Variants in ADARB2 observed in about 807,000 individuals in gnomAD.
ADARB2 encodes the protein inactive double-stranded RNA-specific editase B2.
Under a neutral mutation model 62.2 loss-of-function variants are expected in ADARB2, and 25 were observed. The observed-to-expected ratio is 0.40, with a 90% CI of 0.29 to 0.56. The LOEUF (loss-of-function observed/expected upper bound fraction) is 0.56, where lower values mean the gene tolerates loss of function less well. ADARB2 is among the 20% of genes least tolerant of loss of function. ADARB2 has a pLI of 0.43. For synonymous variants in ADARB2, 572 were observed against 500.8 expected, an observed-to-expected ratio of 1.14 and a Z score of -1.90; for missense variants, 1,071 against 1,077.4, an observed-to-expected ratio of 0.99 and a Z score of 0.08.
chr10:1,401,472 C>T (rs184806135), intron 1 of ADARB2, among the ~76,000 whole-genome samples: 1 of 152,336 alleles, frequency 6.6e-6, no homozygotes, highest in East Asian at 1.9e-4. Context: ...GGGCAGGTGC[C>T]AGCGCTGTTC....
Position 1,713,837 on chromosome 10 carries a change from G to A in ADARB2, c.100+23214C>T, listed in dbSNP as rs17155580. The stretch of plus-strand genomic sequence containing the variant: ...TCACTTCCTTGAGGACACAGAGAGC[G>A]CCAAGTTGGAGGACTCCGGTTACAG... On this transcript the variant is annotated intron_variant, in intron 1 of 9. Transcript: ENST00000381312. 7.6e-3 allele frequency among the ~76,000 whole-genome samples: 1,157 copies of A among 152,222 alleles called. 14 individuals are homozygous for A. The highest frequency in any genetic ancestry group is 0.026 in the African/African-American group (1,079 of 41,526).
chr10:1,347,069 C>T (rs1832087507), intron 3 of ADARB2, among the ~76,000 whole-genome samples: 1 of 152,220 alleles, frequency 6.6e-6, no homozygotes, highest in Non-Finnish European at 1.5e-5. Flanking sequence ...ATCACAGATC[C>T]TTATTTTCAA....
chr10:1,404,461 C>T (rs1010575388), intron 1 of ADARB2, among the ~76,000 whole-genome samples: 1 of 152,216 alleles, frequency 6.6e-6, no homozygotes, highest in East Asian at 1.9e-4. Context: ...GGAGACGCTG[C>T]GTGGTGATGA....
intron 1 of ADARB2, among the ~76,000 whole-genome samples, chr10:1,475,110 G>C (rs368317401): frequency 2.0e-5 from 3 of 152,178 alleles, no homozygotes; most frequent in African/African-American, 7.2e-5. Flanking sequence ...AGAAATCAAC[G>C]CGGCGTCGTC....
chr10:1,666,124 G>T (rs1588344695), intron 1 of ADARB2, among the ~76,000 whole-genome samples: 1 of 152,224 alleles, frequency 6.6e-6, no homozygotes, highest in Admixed American at 6.5e-5. Flanking sequence ...AGGAGTAGAG[G>T]AGATGGCACC....
intron 1 of ADARB2, among the ~76,000 whole-genome samples, chr10:1,418,629 A>G (rs765832100): frequency 2.6e-5 from 4 of 152,150 alleles, no homozygotes; most frequent in Admixed American, 2.0e-4. Flanking sequence ...TATTTCCGCT[A>G]TTATCTTTCA....
intron 1 of ADARB2, among the ~76,000 whole-genome samples, chr10:1,581,766 A>G (rs1053911699): frequency 3.3e-5 from 5 of 152,190 alleles, no homozygotes; most frequent in African/African-American, 1.2e-4. Context: ...ATACATAGAC[A>G]TAGTGCATAG....
intron 2 of ADARB2, among the ~76,000 whole-genome samples, chr10:1,369,110 T>A (rs997686785): frequency 3.9e-5 from 6 of 152,178 alleles, no homozygotes; most frequent in African/African-American, 1.4e-4. Context: ...AAATTAACTT[T>A]TTTTCCTTCC....
At chr10:1,566,329 T>A (rs1832862069) in intron 1 of ADARB2, among the ~76,000 whole-genome samples, 1 of 152,256 alleles carries the variant, frequency 6.6e-6, no homozygotes, top group South Asian at 2.1e-4. Context: ...TAGAAAAGGA[T>A]TCATATTTTC....
intron 1 of ADARB2, among the ~76,000 whole-genome samples, chr10:1,594,593 C>T (rs1323703859): frequency 6.6e-6 from 1 of 152,214 alleles, no homozygotes; most frequent in Non-Finnish European, 1.5e-5. Context: ...GGCTCCAGCA[C>T]AGGGCCTCAG....
At chr10:1,611,312 CT>C (rs755230085) in intron 1 of ADARB2, among the ~76,000 whole-genome samples, 2 of 152,196 alleles carry the variant, frequency 1.3e-5, no homozygotes, top group Non-Finnish European at 2.9e-5. Flanking sequence ...CTGCTGAAAT[CT>C]GTAATACTCA....
intron 5 of ADARB2, among the ~76,000 whole-genome samples, chr10:1,235,495 CCTCT>C (rs1389590549): frequency 1.6e-4 from 2 of 12,624 alleles, no homozygotes; most frequent in South Asian, 2.0e-3. Context: ...TGTTTACTCC[CCTCT>C]CCCTCCCGGT....
At chr10:1,210,763 AGAAGCCTGGCAG>A (rs904445701) in intron 7 of ADARB2, among the ~76,000 whole-genome samples, 6 of 152,204 alleles carry the variant, frequency 3.9e-5, no homozygotes, top group Admixed American at 2.6e-4. Context: ...GGGGGTGTAA[AGAAGCCTGGCAG>A]GAAGCCTGGC....
chr10:1,674,629 C>T (rs1834438063), intron 1 of ADARB2, among the ~76,000 whole-genome samples: 1 of 152,120 alleles, frequency 6.6e-6, no homozygotes, highest in African/African-American at 2.4e-5. Flanking sequence ...GTCACAGGGT[C>T]CGGTTTTGAT....
rs139606114 is a variant in ADARB2 at position 1,205,341 on chromosome 10, C to T, written c.1683-5194G>A. Among the ~76,000 whole-genome samples the T allele has an allele frequency of 5.6e-3, 601 of 107,996 alleles. 5 individuals carry two copies. Among genetic ancestry groups the T allele is most frequent in the Middle Eastern group, 0.012 (2 of 164 alleles). 70.8% of individuals were successfully genotyped at this position (107,996 alleles called of 152,430 possible). On this transcript the variant is annotated intron_variant, in intron 7 of 9. Transcript: ENST00000381312. ...TGCTTTGCTTCACAGCAGGAGACAA[C>T]TCACTGGAGCCCGTGGCACAGCCTG... is the stretch of plus-strand genomic sequence containing the variant.
intron 1 of ADARB2, among the ~76,000 whole-genome samples, chr10:1,435,914 G>T (rs187758781): frequency 6.6e-6 from 1 of 152,214 alleles, no homozygotes; most frequent in South Asian, 2.1e-4. Flanking sequence ...TGATAAAATT[G>T]CTTTGCTAGA....
At chr10:1,435,088 G>A (rs1445072492) in intron 1 of ADARB2, among the ~76,000 whole-genome samples, 1 of 152,262 alleles carries the variant, frequency 6.6e-6, no homozygotes, top group Non-Finnish European at 1.5e-5. Flanking sequence ...TCCCCTGGGA[G>A]GCCGTGGAGC....
Position 1,520,966 on chromosome 10 carries a change from C to T in ADARB2, c.101-141806G>A, listed in dbSNP as rs542512218. ...CAGAAATGTTTAATTTGACAGAATA[C>T]ATTTCAGAAACGTCAAATGGGTTAG... On this transcript the variant is annotated intron_variant, in intron 1 of 9. Coordinates refer to ENST00000381312, the MANE Select transcript of ADARB2 (RefSeq NM_018702.4). 3.9e-5 allele frequency among the ~76,000 whole-genome samples: 6 copies of T among 152,258 alleles called. No individual in the cohort carries two copies. In the East Asian group the frequency reaches 1.2e-3, roughly 29 times the overall value.
intron 1 of ADARB2, among the ~76,000 whole-genome samples, chr10:1,474,654 G>A (rs1448621361): frequency 2.6e-5 from 4 of 152,172 alleles, no homozygotes; most frequent in Non-Finnish European, 5.9e-5. Context: ...GAGACTGTCC[G>A]CCCACCAGGA....
Sources: gnomAD v4.1 joint callset for allele counts (sites outside exome capture counted in the v4.1 genomes callset) on GRCh38, gnomAD v4.1.1 for gene constraint, MANE v1.5 for transcripts, NCBI Gene and HGNC (gene_info 2026-07-23, HGNC 2026-07-21) for gene names.